Variants in PRDM2 observed in about 807,000 individuals in gnomAD.
PRDM2 encodes the protein PR/SET domain 2, also known as PR domain zinc finger protein 2.
A neutral mutation model predicts 130.0 loss-of-function variants in PRDM2; 30 were observed. The observed-to-expected ratio is 0.23, with a 90% confidence interval of 0.17 to 0.31. PRDM2 has a LOEUF of 0.31. Ranked by LOEUF, PRDM2 falls within the 10% of genes least tolerant of loss-of-function variation. PRDM2 has a pLI of 1.00. For synonymous variants in PRDM2, 871 were observed against 782.4 expected (o/e 1.11, Z -1.89); for missense variants, 2,011 against 2,108.4 (o/e 0.95, Z 0.90).
intron 1 of PRDM2, among the ~76,000 whole-genome samples, chr1:13,708,166 A>C (rs1343131367): frequency 1.3e-5 from 2 of 152,126 alleles, no homozygotes; most frequent in Non-Finnish European, 2.9e-5. Context: ...AGATTTTGAA[A>C]ATTTCCCCTT....
At chr1:13,815,611 T>C (rs1375861410) in intron 8 of PRDM2, among the ~76,000 whole-genome samples, 1 of 152,020 alleles carries the variant, frequency 6.6e-6, no homozygotes, top group African/African-American at 2.4e-5. Flanking sequence ...CTGGAGGAGG[T>C]AGCATCCCAG....
rs147191411 is a variant in PRDM2 at position 13,766,425 on chromosome 1, G to T, written c.512-6653G>T. Among the ~76,000 whole-genome samples the T allele has an allele frequency of 5.9e-5, 9 of 152,342 alleles. No homozygotes were observed. The East Asian group carries it at 1.7e-3, about 29-fold the overall frequency. ...AAACTTGGGGCAAATAAAGCCTGAA[G>T]AACTGTTGGGTTTTGTAATTATGGT... On this transcript the variant is annotated intron_variant, in intron 6 of 9. Transcript: ENST00000311066.
chr1:13,733,570 C>T (rs1235834649), intron 4 of PRDM2, among the ~76,000 whole-genome samples: 1 of 152,130 alleles, frequency 6.6e-6, no homozygotes, highest in Non-Finnish European at 1.5e-5. Flanking sequence ...AGTTCAAATC[C>T]TACCTCTAGC....
At chr1:13,744,302 C>T (rs1643537300) in intron 5 of PRDM2, among the ~76,000 whole-genome samples, 1 of 152,156 alleles carries the variant, frequency 6.6e-6, no homozygotes. Context: ...AGCTTTGTAA[C>T]CTTAGCTAAG....
intron 8 of PRDM2, among the ~76,000 whole-genome samples, chr1:13,813,005 AC>A (rs1394066630): frequency 1.3e-5 from 2 of 151,980 alleles, no homozygotes; most frequent in African/African-American, 4.8e-5. Context: ...ATTAGAGGCC[AC>A]CCCCAGGTCT....
chr1:13,715,905 G>GT (rs1642518421), intron 2 of PRDM2, among the ~76,000 whole-genome samples: 2 of 152,144 alleles, frequency 1.3e-5, no homozygotes, highest in Non-Finnish European at 2.9e-5. Flanking sequence ...TCTAGTGTGA[G>GT]TTTTTTGTGT....
At chr1:13,775,874 C>G (rs528848262) in intron 7 of PRDM2, among the ~76,000 whole-genome samples, 4 of 152,318 alleles carry the variant, frequency 2.6e-5, no homozygotes, top group South Asian at 2.1e-4. Context: ...CATCCCTTCA[C>G]CCACCCTGCA....
chr1:13,721,144 G>A (rs1642715221), intron 2 of PRDM2, among the ~76,000 whole-genome samples: 1 of 152,040 alleles, frequency 6.6e-6, no homozygotes. Flanking sequence ...TCTCATTTTG[G>A]TCTTTATACT....
Position 13,778,507 on chromosome 1 carries a change from G to A in PRDM2, c.712G>A (p.Glu238Lys). The part of the protein sequence containing the change: ...QEVASQEVPP[E>K]LATPAPAWEP... Reference sequence around the variant, plus strand: ...GGTGGCCAGTCAGGAGGTGCCTCCAGAACTAGCAACCCCTGCCCCTGCCTG... The same window carrying A: ...GGTGGCCAGTCAGGAGGTGCCTCCAAAACTAGCAACCCCTGCCCCTGCCTG... Residue 238 changes from glutamate to lysine, a missense_variant, in exon 8 of 10, where the codon GAA becomes AAA. Glu to Lys is a moderately conservative substitution (Grantham distance 56). Transcript: ENST00000311066. 1.2e-6 allele frequency: 2 copies of A among 1,614,204 alleles called. No individual in the cohort carries two copies. Among genetic ancestry groups the A allele is most frequent in the Non-Finnish European group, 1.7e-6 (2 of 1,180,042 alleles).
At chr1:13,716,931 T>G (rs931527861) in intron 2 of PRDM2, among the ~76,000 whole-genome samples, 2 of 147,242 alleles carry the variant, frequency 1.4e-5, no homozygotes, top group African/African-American at 2.4e-5. Context: ...CAACTGAAAC[T>G]TTAGACACCT....
rs762917415 is a variant in PRDM2, at chr1:13,749,351, C to T, written c.385-10C>T. On this transcript the variant is annotated splice_polypyrimidine_tract_variant and intron_variant, in intron 5 of 9. Transcript: ENST00000311066. ...GATTGGCCCGGCGCTTGTCTCTTCTCTCCCCGCAGCCAATCGCGCCGGGCG... is the reference window on the plus strand; with the variant it reads ...GATTGGCCCGGCGCTTGTCTCTTCTTTCCCCGCAGCCAATCGCGCCGGGCG... 4 of 1,482,414 alleles carry T rather than the reference C, an allele frequency of 2.7e-6. No homozygotes were observed. Among genetic ancestry groups the T allele is most frequent in the Admixed American group, 1.9e-5 (1 of 53,130 alleles). 91.8% of individuals were successfully genotyped at this position (1,482,414 alleles called of 1,614,324 possible). A position where few individuals can be genotyped will look rare whatever the true frequency, so the allele number is the denominator to read the frequency against.
chr1:13,755,867 C>G (rs140985537), intron 6 of PRDM2, among the ~76,000 whole-genome samples: 119 of 152,094 alleles, frequency 7.8e-4, no homozygotes, highest in African/African-American at 2.9e-3. Context: ...CTCCTGAGCT[C>G]AAGCTGTCTC....
At chr1:13,786,074 A>G (rs1644732020) in intron 8 of PRDM2, among the ~76,000 whole-genome samples, 1 of 151,700 alleles carries the variant, frequency 6.6e-6, no homozygotes, top group Non-Finnish European at 1.5e-5. Context: ...TCCTGACCTT[A>G]TGATCCGCCC....
At chr1:13,766,964 A>G (rs566959513) in intron 6 of PRDM2, among the ~76,000 whole-genome samples, 4 of 152,330 alleles carry the variant, frequency 2.6e-5, no homozygotes, top group Admixed American at 6.5e-5. Context: ...TGTCTGTCCA[A>G]TTTATTAGGC....
intron 8 of PRDM2, among the ~76,000 whole-genome samples, chr1:13,785,008 T>G (rs1644704651): frequency 1.3e-5 from 2 of 152,358 alleles, no homozygotes; most frequent in South Asian, 2.1e-4. Flanking sequence ...TTTAAAGTGT[T>G]TGTTTTGGTC....
intron 5 of PRDM2, among the ~76,000 whole-genome samples, chr1:13,747,114 C>T (rs963173196): frequency 6.6e-6 from 1 of 152,192 alleles, no homozygotes; most frequent in East Asian, 1.9e-4. Context: ...GAAACTTAAG[C>T]TCTTATTCTT....
rs1645384762 is a variant in PRDM2, at chr1:13,823,369, G to GT, written c.*234_*235insT. On this transcript the variant is annotated 3_prime_UTR_variant, in exon 10 of 10. Transcript: ENST00000311066. ...CCCGATCCCCGGGGCGGCAGGAAGG[G>GT]GGCCGACTCCACGCTGTCCTTTGGG... is the stretch of plus-strand genomic sequence containing the variant. 1.5e-6 allele frequency: 1 copy of GT among 663,176 alleles called. No homozygotes were observed. The highest frequency in any genetic ancestry group is 2.7e-6 in the Non-Finnish European group (1 of 368,218). The allele number at this position is 663,176 out of a possible 1,614,324, so 41.1% of individuals were successfully genotyped here.
rs1220732725 is a variant in PRDM2 at position 13,782,330 on chromosome 1, A to G, written c.4535A>G (p.Asn1512Ser). The G allele has an allele frequency of 1.9e-6, 3 of 1,614,120 alleles. No individual in the cohort carries two copies. Among genetic ancestry groups the G allele is most frequent in the Non-Finnish European group, 2.5e-6 (3 of 1,180,030 alleles). The change falls in exon 8 of 10, where the codon AAC becomes AGC. Residue 1512 changes from asparagine to serine, a missense_variant. Asn to Ser is a conservative substitution (Grantham distance 46, BLOSUM62 1). This residue lies in a region of PRDM2 where 410 missense variants were observed against 395.9 expected (regional missense o/e 1.04). Coordinates refer to ENST00000311066, the MANE Select transcript of PRDM2 (RefSeq NM_001393986.1). The part of the protein sequence containing the change: ...PASSDKNSNS[N>S]HRRRTADAEI... Reference sequence around the variant, plus strand: ...AGTAGTGACAAAAACAGTAACAGCAACCACCGCAGACGGACAGCGGATGCG... The same window carrying G: ...AGTAGTGACAAAAACAGTAACAGCAGCCACCGCAGACGGACAGCGGATGCG...
chr1:13,793,835 G>A (rs1276703430), intron 8 of PRDM2, among the ~76,000 whole-genome samples: 1 of 151,038 alleles, frequency 6.6e-6, no homozygotes, highest in African/African-American at 2.4e-5. Flanking sequence ...GAAAGATATC[G>A]CAAAAAAAAA....
Sources: allele counts gnomAD v4.1 joint callset (sites outside exome capture counted in the v4.1 genomes callset), GRCh38; gene constraint gnomAD v4.1.1; regional missense constraint gnomAD v4.1.1; transcripts MANE v1.5; gene names NCBI Gene and HGNC (gene_info 2026-07-23, HGNC 2026-07-21).